The following WWOX variants were observed in gnomAD, a reference collection of about 807,000 sequenced individuals.
WWOX encodes WW domain-containing oxidoreductase.
In WWOX, 69 loss-of-function variants were observed where a neutral mutation model predicts 46.2. The ratio of observed to expected loss-of-function variants is 1.49; its 90% CI spans 1.23 to 1.82. WWOX has a LOEUF of 1.82. WWOX is among the 40% of genes most tolerant of loss of function. WWOX has a pLI of 0.00. For missense variants in WWOX, 919 were observed against 542.6 expected (o/e 1.69, Z -6.89); for synonymous variants, 359 against 202.6 (o/e 1.77, Z -6.56).
At chr16:78,910,551 C>G (rs1365538657) in intron 8 of WWOX, among the ~76,000 whole-genome samples, 2 of 150,850 alleles carry the variant, frequency 1.3e-5, no homozygotes, top group African/African-American at 2.4e-5. Flanking sequence ...AGTCTTTTCT[C>G]ATACTACTGA....
chr16:78,533,787 C>T (rs2043689851), intron 8 of WWOX, among the ~76,000 whole-genome samples: 2 of 152,144 alleles, frequency 1.3e-5, no homozygotes, highest in African/African-American at 2.4e-5. Flanking sequence ...AGGCCCCTCC[C>T]GAATGCGTCC....
chr16:79,204,798 T>G (rs1209253138), intron 8 of WWOX: 1 of 152,156 alleles, frequency 6.6e-6, no homozygotes, highest in African/African-American at 2.4e-5. Context: ...CTCTAAAACT[T>G]AAGTTTTAGG....
intron 8 of WWOX, among the ~76,000 whole-genome samples, chr16:79,122,545 T>TGTCCCTTCCTTCCC (rs2049659477): frequency 6.6e-6 from 1 of 152,056 alleles, no homozygotes. Context: ...CCTTCCTTTT[T>TGTCCCTTCCTTCCC]GTCCCTTCCT....
intron 8 of WWOX, among the ~76,000 whole-genome samples, chr16:78,733,902 C>CA (rs1035054494): frequency 6.6e-6 from 1 of 151,848 alleles, no homozygotes; most frequent in African/African-American, 2.4e-5. Flanking sequence ...CTCATCTCTA[C>CA]AAAAAATAAA....
intron 5 of WWOX, among the ~76,000 whole-genome samples, chr16:78,382,733 T>C (rs1334534082): frequency 6.6e-6 from 1 of 152,116 alleles, no homozygotes; most frequent in Admixed American, 6.5e-5. Flanking sequence ...GATGGAACAG[T>C]TCTATGTCTT....
chr16:78,600,154 C>G (rs9932697), intron 8 of WWOX, among the ~76,000 whole-genome samples: 11,266 of 152,108 alleles, frequency 0.074, 451 homozygotes, highest in Middle Eastern at 0.11. Context: ...TGTTCACTAT[C>G]ACGAGTAAAG....
chr16:78,186,925 A>T (rs2035728329), intron 5 of WWOX, among the ~76,000 whole-genome samples: 1 of 152,204 alleles, frequency 6.6e-6, no homozygotes, highest in Non-Finnish European at 1.5e-5. Context: ...GGAAATTGAC[A>T]CTGGCATGAT....
chr16:79,174,131 C>G (rs1329271620), intron 8 of WWOX, among the ~76,000 whole-genome samples: 2 of 152,072 alleles, frequency 1.3e-5, no homozygotes, highest in Non-Finnish European at 2.9e-5. Flanking sequence ...GTGAAAGGTC[C>G]TGAGAGGCAG....
chr16:78,851,191 A>G (rs1209732753), intron 8 of WWOX, among the ~76,000 whole-genome samples: 1 of 152,182 alleles, frequency 6.6e-6, no homozygotes, highest in African/African-American at 2.4e-5. Flanking sequence ...TGAGCCCACT[A>G]AGAGTAGGTC....
chr16:78,216,660 T>G (rs985250787), intron 5 of WWOX, among the ~76,000 whole-genome samples: 1 of 152,130 alleles, frequency 6.6e-6, no homozygotes, highest in Non-Finnish European at 1.5e-5. Flanking sequence ...TCTCCTGCTT[T>G]TTTTTTTCTA....
intron 8 of WWOX, among the ~76,000 whole-genome samples, chr16:78,463,217 T>G (rs2083994197): frequency 6.6e-6 from 1 of 152,186 alleles, no homozygotes; most frequent in African/African-American, 2.4e-5. Flanking sequence ...GCTTGGCATT[T>G]TTCTTAACGC....
intron 5 of WWOX, among the ~76,000 whole-genome samples, chr16:78,186,314 C>G (rs2035702621): frequency 6.6e-6 from 1 of 151,208 alleles, no homozygotes; most frequent in South Asian, 2.1e-4. Flanking sequence ...TCAGACATTG[C>G]CGACCTAGAG....
chr16:78,207,900 C>T lies in WWOX; in HGVS notation c.516+43611C>T, dbSNP rs773116256. Among the ~76,000 whole-genome samples the T allele has an allele frequency of 1.4e-4, 22 of 152,166 alleles. No homozygotes were observed. The South Asian group carries it at 2.3e-3, about 16-fold the overall frequency. ...TGATCTTGGTTCACTGCAGCATCAACCTCCTGGGCTCAAGCAATCCTCCTA... is the reference window on the plus strand; with the variant it reads ...TGATCTTGGTTCACTGCAGCATCAATCTCCTGGGCTCAAGCAATCCTCCTA... On this transcript the variant is annotated intron_variant, in intron 5 of 8. Transcript: ENST00000566780.
intron 8 of WWOX, among the ~76,000 whole-genome samples, chr16:78,976,628 C>G (rs1402555698): frequency 6.6e-6 from 1 of 152,116 alleles, no homozygotes; most frequent in Non-Finnish European, 1.5e-5. Flanking sequence ...CATCCACACC[C>G]GCGAAGATAA....
intron 8 of WWOX, among the ~76,000 whole-genome samples, chr16:78,925,618 C>T (rs1486637514): frequency 6.6e-6 from 1 of 152,186 alleles, no homozygotes; most frequent in East Asian, 1.9e-4. Flanking sequence ...AAATATATTT[C>T]TGCTTCGTCA....
chr16:78,663,801 C>T (rs931109695), intron 8 of WWOX, among the ~76,000 whole-genome samples: 1 of 152,082 alleles, frequency 6.6e-6, no homozygotes, highest in African/African-American at 2.4e-5. Context: ...ATGCAAAGAC[C>T]TCAGCAAAGA....
At chr16:79,120,714 A>T (rs1004823226) in intron 8 of WWOX, among the ~76,000 whole-genome samples, 1 of 152,160 alleles carries the variant, frequency 6.6e-6, no homozygotes, top group Non-Finnish European at 1.5e-5. Context: ...CTGTGCCTCC[A>T]TGGTCACTTG....
chr16:78,378,133 A>C (rs942375956), intron 5 of WWOX, among the ~76,000 whole-genome samples: 9 of 151,946 alleles, frequency 5.9e-5, no homozygotes, highest in African/African-American at 2.2e-4. Flanking sequence ...CCCCTGCCTA[A>C]AAAAAAGGAA....
chr16:79,008,853 C>T (rs924266743), intron 8 of WWOX, among the ~76,000 whole-genome samples: 7 of 151,790 alleles, frequency 4.6e-5, no homozygotes, highest in Non-Finnish European at 1.0e-4. Flanking sequence ...GATCAGGTGG[C>T]AGGGCCTTTA....
Sources: gnomAD v4.1 joint callset for allele counts (sites outside exome capture counted in the v4.1 genomes callset) on GRCh38, gnomAD v4.1.1 for gene constraint, MANE v1.5 for transcripts, NCBI Gene and HGNC (gene_info 2026-07-23, HGNC 2026-07-21) for gene names.